Variants in HS3ST5 observed in about 807,000 individuals in gnomAD.
HS3ST5 encodes the protein heparan sulfate-glucosamine 3-sulfotransferase 5, also known as heparan sulfate glucosamine 3-O-sulfotransferase 5.
A neutral mutation model predicts 25.4 loss-of-function variants in HS3ST5; 10 were observed. That is an observed-to-expected ratio of 0.39 (90% CI 0.24 to 0.67). The LOEUF (loss-of-function observed/expected upper bound fraction) is 0.67, where lower values mean the gene tolerates loss of function less well. HS3ST5 is among the 30% of genes least tolerant of loss of function. The probability of loss-of-function intolerance (pLI) is 0.44; values close to 1 mark genes in which losing one functional copy is unlikely to be tolerated. For synonymous variants in HS3ST5, 170 were observed against 162.4 expected (o/e 1.05, Z -0.36); for missense variants, 324 against 420.7 (o/e 0.77, Z 2.01).
intron 2 of HS3ST5, among the ~76,000 whole-genome samples, chr6:114,199,895 T>G (rs1780932088): frequency 1.3e-5 from 2 of 152,212 alleles, no homozygotes; most frequent in Non-Finnish European, 2.9e-5. Flanking sequence ...TGCTCCAATT[T>G]GCAAAGCTAC....
intron 2 of HS3ST5, among the ~76,000 whole-genome samples, chr6:114,191,070 G>A (rs1438033577): frequency 6.6e-6 from 1 of 152,088 alleles, no homozygotes; most frequent in Admixed American, 6.6e-5. Context: ...ATGTGTCCTT[G>A]GTACAGACTT....
At chr6:114,245,703 A>T (rs1314288414) in intron 1 of HS3ST5, among the ~76,000 whole-genome samples, 1 of 152,172 alleles carries the variant, frequency 6.6e-6, no homozygotes. Context: ...GAAATCAGGG[A>T]CAGTGACTTG....
intron 3 of HS3ST5, among the ~76,000 whole-genome samples, chr6:114,159,964 C>CA (rs1410077506): frequency 2.0e-5 from 3 of 152,084 alleles, no homozygotes; most frequent in Non-Finnish European, 4.4e-5. Flanking sequence ...TTGGAGGTAG[C>CA]AAATGTAAAA....
intron 3 of HS3ST5, chr6:114,143,679 T>C (rs1180815840): frequency 1.3e-5 from 2 of 152,174 alleles, no homozygotes; most frequent in African/African-American, 2.4e-5. Flanking sequence ...CAAGGACAGT[T>C]TGCAGCATAA....
At chr6:114,148,617 G>A (rs534664908) in intron 3 of HS3ST5, among the ~76,000 whole-genome samples, 1 of 152,082 alleles carries the variant, frequency 6.6e-6, no homozygotes, top group African/African-American at 2.4e-5. Flanking sequence ...GTGAAACTCT[G>A]TCTCAAAAAA....
chr6:114,061,987 A>G (rs1357682737), intron 4 of HS3ST5, among the ~76,000 whole-genome samples: 2 of 152,164 alleles, frequency 1.3e-5, no homozygotes, highest in Non-Finnish European at 2.9e-5. Context: ...GGGAAGCTTC[A>G]CATTTCAGAA....
At chr6:114,191,773 C>A (rs1022303420) in intron 2 of HS3ST5, among the ~76,000 whole-genome samples, 1 of 152,130 alleles carries the variant, frequency 6.6e-6, no homozygotes, top group Non-Finnish European at 1.5e-5. Flanking sequence ...TCCTGGCCCA[C>A]CTCCACTCTA....
chr6:114,338,899 T>A (rs977068250), intron 1 of HS3ST5, among the ~76,000 whole-genome samples: 13 of 152,070 alleles, frequency 8.5e-5, no homozygotes, highest in Admixed American at 8.5e-4. Context: ...TAATTTATAA[T>A]GAAAAGTTTA....
In HS3ST5 at chr6:114,296,031, C is replaced by T. The variant is rs183516558; in HGVS notation, c.-339+46164G>A. ...AAATAGGCAGCAATAATCAGCCAAA[C>T]GGTCACCTATCTCTCAATGTAATGG... On this transcript the variant is annotated intron_variant, in intron 1 of 4. Coordinates refer to ENST00000312719, the MANE Select transcript of HS3ST5 (RefSeq NM_153612.4). 2.0e-3 allele frequency among the ~76,000 whole-genome samples: 308 copies of T among 152,294 alleles called. 3 individuals carry two copies. The highest frequency in any genetic ancestry group is 0.015 in the South Asian group (73 of 4,826).
At chr6:114,264,493 A>C (rs555038309) in intron 1 of HS3ST5, among the ~76,000 whole-genome samples, 3 of 152,100 alleles carry the variant, frequency 2.0e-5, no homozygotes, top group African/African-American at 7.2e-5. Flanking sequence ...CATCTTGCCC[A>C]GTGAAATTTA....
At chr6:114,163,066 T>G (rs2114987632) in intron 3 of HS3ST5, among the ~76,000 whole-genome samples, 1 of 152,328 alleles carries the variant, frequency 6.6e-6, no homozygotes, top group African/African-American at 2.4e-5. Context: ...TGCAAAATGC[T>G]GTTCTAGGCT....
intron 3 of HS3ST5, among the ~76,000 whole-genome samples, chr6:114,123,062 C>T (rs945138209): frequency 1.3e-5 from 2 of 152,190 alleles, no homozygotes; most frequent in Non-Finnish European, 2.9e-5. Context: ...AAGCGATTCT[C>T]CTGCCTCAGC....
intron 1 of HS3ST5, among the ~76,000 whole-genome samples, chr6:114,275,359 C>A (rs1773806184): frequency 6.6e-6 from 1 of 151,998 alleles, no homozygotes; most frequent in Non-Finnish European, 1.5e-5. Context: ...TCCCTTTGTG[C>A]CAAGCATTCT....
chr6:114,157,173 C>T lies in HS3ST5; in HGVS notation c.-33+11178G>A, dbSNP rs146691186. ...AATTACAGGTACCATCCTAGATTTCCGAGTGTGATACTTTCTACTTTCTAC... is the reference window on the plus strand; with the variant it reads ...AATTACAGGTACCATCCTAGATTTCTGAGTGTGATACTTTCTACTTTCTAC... On this transcript the variant is annotated intron_variant, in intron 3 of 4. Coordinates refer to ENST00000312719, the MANE Select transcript of HS3ST5 (RefSeq NM_153612.4). Among the ~76,000 whole-genome samples, 24 of 152,186 alleles carry T rather than the reference C, an allele frequency of 1.6e-4. 1 individual carries two copies. In the East Asian group the frequency reaches 3.9e-3, roughly 24 times the overall value.
intron 1 of HS3ST5, among the ~76,000 whole-genome samples, chr6:114,308,024 T>G (rs909721041): frequency 6.6e-6 from 1 of 152,104 alleles, no homozygotes; most frequent in African/African-American, 2.4e-5. Flanking sequence ...TATATTAATT[T>G]GGAAATAAAA....
chr6:114,096,457 C>T (rs918784403), intron 3 of HS3ST5, among the ~76,000 whole-genome samples: 3 of 152,062 alleles, frequency 2.0e-5, no homozygotes, highest in Non-Finnish European at 4.4e-5. Flanking sequence ...ATGTTTTTCA[C>T]AGTGAATCTC....
At chr6:114,245,347 A>C (rs1489362675) in intron 1 of HS3ST5, among the ~76,000 whole-genome samples, 5 of 152,174 alleles carry the variant, frequency 3.3e-5, no homozygotes, top group Non-Finnish European at 7.4e-5. Flanking sequence ...CCTAACCCAC[A>C]GTTATGAGAC....
chr6:114,282,202 A>T (rs1774144511), intron 1 of HS3ST5, among the ~76,000 whole-genome samples: 1 of 152,036 alleles, frequency 6.6e-6, no homozygotes, highest in Non-Finnish European at 1.5e-5. Context: ...TCACATATTA[A>T]CATAAAAAAT....
intron 1 of HS3ST5, among the ~76,000 whole-genome samples, chr6:114,276,669 A>C (rs957571478): frequency 6.6e-6 from 1 of 151,700 alleles, no homozygotes; most frequent in African/African-American, 2.4e-5. Context: ...TTTCCAGATG[A>C]AATATATTAA....
Sources: gnomAD v4.1 joint callset for allele counts (sites outside exome capture counted in the v4.1 genomes callset) on GRCh38, gnomAD v4.1.1 for gene constraint, MANE v1.5 for transcripts, NCBI Gene and HGNC (gene_info 2026-07-23, HGNC 2026-07-21) for gene names.